UBE2W: variants seen among roughly 807,000 people sequenced by gnomAD.
UBE2W encodes the protein ubiquitin conjugating enzyme E2 W.
UBE2W carries 18 observed loss-of-function variants against 27.2 expected under a neutral mutation model. The observed-to-expected ratio is 0.66, with a 90% CI of 0.46 to 0.98. The LOEUF (loss-of-function observed/expected upper bound fraction) is 0.98, where lower values mean the gene tolerates loss of function less well. Among genes scored for constraint, UBE2W ranks in the 50% least tolerant of loss-of-function variants. UBE2W has a pLI of 0.00. For synonymous variants in UBE2W, 53 were observed against 57.2 expected (o/e 0.93, Z 0.33); for missense variants, 90 against 180.2 (o/e 0.50, Z 2.87).
chr8:73,802,687 C>T (rs1339980968), intron 5 of UBE2W, among the ~76,000 whole-genome samples: 9 of 151,380 alleles, frequency 5.9e-5, no homozygotes. Flanking sequence ...GTCAGGAGTT[C>T]GAGACCAGCC....
chr8:73,787,317 T>G lies in UBE2W; in HGVS notation c.*6785A>C. 1 of 985,320 alleles carries G rather than the reference T, an allele frequency of 1.0e-6. No homozygotes were observed. Among genetic ancestry groups the G allele is most frequent in the Non-Finnish European group, 1.2e-6 (1 of 829,914 alleles). The allele number at this position is 985,320 out of a possible 1,614,324, so 61.0% of individuals were successfully genotyped here. A position where few individuals can be genotyped will look rare whatever the true frequency, so the allele number is the denominator to read the frequency against. On this transcript the variant is annotated 3_prime_UTR_variant, in exon 6 of 6. Coordinates refer to ENST00000602593, the MANE Select transcript of UBE2W (RefSeq NM_018299.6). ...GTTACGTGTTATGTTAGTGTGAAAA[T>G]GAGTAAGAAATATAGGGAGGACATA...
intron 5 of UBE2W, among the ~76,000 whole-genome samples, chr8:73,802,367 TTTG>T (rs1200939447): frequency 6.6e-6 from 1 of 152,242 alleles, no homozygotes; most frequent in Non-Finnish European, 1.5e-5. Flanking sequence ...TTTTGCCTAT[TTTG>T]TTTTTTATCC....
chr8:73,877,865 A>T (rs1284196106), intron 1 of UBE2W, among the ~76,000 whole-genome samples: 1 of 152,172 alleles, frequency 6.6e-6, no homozygotes, highest in Admixed American at 6.6e-5. Context: ...AAAAACCCAC[A>T]ACTCCCTAGA....
intron 1 of UBE2W, among the ~76,000 whole-genome samples, chr8:73,834,362 G>T (rs1810218313): frequency 6.6e-6 from 1 of 152,148 alleles, no homozygotes; most frequent in African/African-American, 2.4e-5. Context: ...CACAAATGAG[G>T]GTTCTGTGAT....
chr8:73,807,680 A>G (rs1418562393), intron 4 of UBE2W, among the ~76,000 whole-genome samples: 1 of 152,208 alleles, frequency 6.6e-6, no homozygotes, highest in Non-Finnish European at 1.5e-5. Flanking sequence ...AATTGGTACT[A>G]CTAGAGCAGA....
At chr8:73,876,700 G>T (rs2131004536) in intron 1 of UBE2W, among the ~76,000 whole-genome samples, 1 of 152,314 alleles carries the variant, frequency 6.6e-6, no homozygotes, top group East Asian at 1.9e-4. Flanking sequence ...CAGGCACGGT[G>T]GCTCACACCT....
At chr8:73,832,266 A>T (rs1335186206) in intron 1 of UBE2W, among the ~76,000 whole-genome samples, 1 of 152,028 alleles carries the variant, frequency 6.6e-6, no homozygotes, top group Non-Finnish European at 1.5e-5. Context: ...GTACCACTGC[A>T]CTCCAGCCTA....
chr8:73,843,752 T>C (rs1005000772), intron 1 of UBE2W, among the ~76,000 whole-genome samples: 2 of 101,966 alleles, frequency 2.0e-5, no homozygotes, highest in African/African-American at 7.3e-5. Flanking sequence ...GAGAAACAGA[T>C]AATGAAAATA....
chr8:73,849,805 G>A (rs923393964), intron 1 of UBE2W, among the ~76,000 whole-genome samples: 1 of 151,902 alleles, frequency 6.6e-6, no homozygotes, highest in African/African-American at 2.4e-5. Flanking sequence ...TAAGAGTACA[G>A]AATGGTTCAG....
chr8:73,796,556 GCTA>G, intron 5 of UBE2W: 1 of 750,734 alleles, frequency 1.3e-6, no homozygotes, highest in Non-Finnish European at 1.6e-6. Flanking sequence ...TCTTTGTGAA[GCTA>G]CTTTCCAGAT....
downstream of UBE2W, among the ~76,000 whole-genome samples, chr8:73,784,679 G>A (rs1047709465): frequency 6.6e-6 from 1 of 152,146 alleles, no homozygotes; most frequent in African/African-American, 2.4e-5. Flanking sequence ...CCACCCTAGA[G>A]TGGGTGCAAG....
chr8:73,793,552 T>C lies in UBE2W; in HGVS notation c.*550A>G. On this transcript the variant is annotated 3_prime_UTR_variant, in exon 6 of 6. Transcript: ENST00000602593. ...CAGTCCTTTAAAGACGCATGTTAATTCATGCTGTTAACCTTAGGATCACAG... is the reference window on the plus strand; with the variant it reads ...CAGTCCTTTAAAGACGCATGTTAATCCATGCTGTTAACCTTAGGATCACAG... 5 of 985,872 alleles carry C rather than the reference T, an allele frequency of 5.1e-6. No individual in the cohort carries two copies. The highest frequency in any genetic ancestry group is 6.0e-6 in the Non-Finnish European group (5 of 829,928). 61.1% of individuals were successfully genotyped at this position (985,872 alleles called of 1,614,324 possible). A position where few individuals can be genotyped will look rare whatever the true frequency, so the allele number is the denominator to read the frequency against.
intron 3 of UBE2W, among the ~76,000 whole-genome samples, chr8:73,814,618 A>G (rs1264076171): frequency 3.9e-5 from 6 of 152,150 alleles, no homozygotes; most frequent in Admixed American, 3.3e-4. Flanking sequence ...TCCTGGGTTC[A>G]TATGATTCTC....
chr8:73,877,152 AGAT>A (rs1421971031), intron 1 of UBE2W, among the ~76,000 whole-genome samples: 3 of 152,252 alleles, frequency 2.0e-5, no homozygotes, highest in Non-Finnish European at 2.9e-5. Context: ...ATCTTAATAC[AGAT>A]AATAATCTTA....
At chr8:73,826,147 A>G (rs1042083510) in intron 2 of UBE2W, among the ~76,000 whole-genome samples, 10 of 152,172 alleles carry the variant, frequency 6.6e-5, no homozygotes, top group African/African-American at 2.4e-4. Flanking sequence ...ATCTCTCACT[A>G]TGTTTCAATT....
chr8:73,801,471 G>A (rs1486491018), intron 5 of UBE2W, among the ~76,000 whole-genome samples: 1 of 152,142 alleles, frequency 6.6e-6, no homozygotes, highest in Non-Finnish European at 1.5e-5. Flanking sequence ...AAACCTCAAG[G>A]TGGTTTAAAA....
At chr8:73,802,717 C>T (rs1029820598) in intron 5 of UBE2W, among the ~76,000 whole-genome samples, 70 of 152,060 alleles carry the variant, frequency 4.6e-4, no homozygotes, top group African/African-American at 1.6e-3. Context: ...TGGCAAAACC[C>T]GTCTCTACTA....
chr8:73,833,986 AC>A (rs2130914722), intron 1 of UBE2W: 1 of 152,054 alleles, frequency 6.6e-6, no homozygotes, highest in East Asian at 1.9e-4. Flanking sequence ...ACAGCCCAGA[AC>A]TCCTGCCGCA....
intron 1 of UBE2W, among the ~76,000 whole-genome samples, chr8:73,846,309 T>C (rs928942498): frequency 2.0e-5 from 3 of 152,212 alleles, no homozygotes; most frequent in Admixed American, 1.3e-4. Flanking sequence ...GGCAGGAGAA[T>C]TGCTTGAACC....
Sources: gnomAD v4.1 joint callset for allele counts (sites outside exome capture counted in the v4.1 genomes callset) on GRCh38, gnomAD v4.1.1 for gene constraint, MANE v1.5 for transcripts, NCBI Gene and HGNC (gene_info 2026-07-23, HGNC 2026-07-21) for gene names.